Variants in TBCE observed in about 807,000 individuals in gnomAD.
The protein encoded by TBCE is tubulin folding cofactor E, also known as tubulin-specific chaperone E.
Under a neutral mutation model 77.0 loss-of-function variants are expected in TBCE, and 53 were observed. That is an observed-to-expected ratio of 0.69 (90% CI 0.55 to 0.87). The LOEUF is 0.87. Ranked by LOEUF, TBCE falls within the 40% of genes least tolerant of loss-of-function variation. The pLI, the probability that TBCE is intolerant of heterozygous loss-of-function variation, is 0.00. For missense variants in TBCE, 624 were observed against 622.4 expected, an observed-to-expected ratio of 1.00 and a Z score of -0.03; for synonymous variants, 235 against 241.3, an observed-to-expected ratio of 0.97 and a Z score of 0.24.
chr1:235,421,125 A>G (rs1271094283), intron 5 of TBCE, among the ~76,000 whole-genome samples: 1 of 152,218 alleles, frequency 6.6e-6, no homozygotes, highest in Non-Finnish European at 1.5e-5. Flanking sequence ...AGAAAATTTT[A>G]AGGATGGGCA....
chr1:235,371,038 CTTTTTTTTTTTTTTTTTTTTTTTT>C (rs71174417), intron 1 of TBCE, among the ~76,000 whole-genome samples: 2 of 23,310 alleles, frequency 8.6e-5, no homozygotes, highest in Non-Finnish European at 1.6e-4. Context: ...TCACGCCTGG[CTTTTTTTTTTTTTTTTTTTTTTTT>C]TTTTTTTTTT....
chr1:235,439,928 A>G (rs1681729010), intron 13 of TBCE, among the ~76,000 whole-genome samples: 1 of 152,020 alleles, frequency 6.6e-6, no homozygotes, highest in Admixed American at 6.6e-5. Context: ...CAGCTTCCAG[A>G]GTAGCTGGGA....
intron 6 of TBCE, chr1:235,429,415 A>G (rs1680958457): frequency 6.6e-6 from 1 of 152,176 alleles, no homozygotes; most frequent in Non-Finnish European, 1.5e-5. Context: ...TTAGATTTTC[A>G]TTGAACTGCA....
intron 7 of TBCE, among the ~76,000 whole-genome samples, chr1:235,431,194 A>G (rs1020408820): frequency 6.6e-5 from 10 of 152,168 alleles, no homozygotes; most frequent in Middle Eastern, 6.8e-3. Context: ...GTTCTCACAT[A>G]CTTTTCTTGT....
At chr1:235,442,245 A>G (rs1292661632) in intron 14 of TBCE, among the ~76,000 whole-genome samples, 1 of 152,058 alleles carries the variant, frequency 6.6e-6, no homozygotes, top group Non-Finnish European at 1.5e-5. Context: ...ATCTTGGCTC[A>G]CCGCAACCTC....
intron 2 of TBCE, among the ~76,000 whole-genome samples, chr1:235,380,786 T>C (rs1478328066): frequency 6.6e-6 from 1 of 152,170 alleles, no homozygotes; most frequent in African/African-American, 2.4e-5. Context: ...AAAATTTGAC[T>C]GTTTTCTGTG....
At position 235,435,767 on chromosome 1, in the gene TBCE, G is replaced by C; in HGVS notation, c.760G>C (p.Val254Leu). Residue 254 changes from valine (V) to leucine (L), a missense_variant, in exon 9 of 17, where the codon GTC (valine) becomes CTC (leucine). Physicochemically the swap from Val to Leu is conservative, Grantham distance 32. Transcript: ENST00000642610. Reference protein sequence around the residue: ...SERPTDVLQTVKLLDLSSNQL... With the variant: ...SERPTDVLQTLKLLDLSSNQL... ...CAGGCCAACAGATGTTCTCCAGACA[G>C]TCAAGTTATTAGATCTTTCCTCTAA... is the stretch of plus-strand genomic sequence containing the variant. 1 of 1,614,132 alleles carries C rather than the reference G, an allele frequency of 6.2e-7. No individual in the cohort carries two copies. Among genetic ancestry groups the C allele is most frequent in the Non-Finnish European group, 8.5e-7 (1 of 1,180,004 alleles).
chr1:235,388,496 C>T (rs908860342), intron 2 of TBCE, among the ~76,000 whole-genome samples: 1 of 152,068 alleles, frequency 6.6e-6, no homozygotes. Flanking sequence ...ACCATGTTGG[C>T]CAGGCTGGTC....
chr1:235,434,693 T>C (rs1681315311), intron 8 of TBCE, among the ~76,000 whole-genome samples: 1 of 151,958 alleles, frequency 6.6e-6, no homozygotes, highest in Non-Finnish European at 1.5e-5. Context: ...CCTGCCACCA[T>C]GCCCGGCTAA....
Position 235,435,778 on chromosome 1 carries a change from A to T in TBCE, c.771A>T (p.Leu257Phe). Residue 257 changes from leucine (L) to phenylalanine (F), a missense_variant, in exon 9 of 17, where the codon TTA becomes TTT. Coordinates refer to ENST00000642610, the MANE Select transcript of TBCE (RefSeq NM_003193.5). ...PTDVLQTVKL[L>F]DLSSNQLIDE... ...ATGTTCTCCAGACAGTCAAGTTATT[A>T]GATCTTTCCTCTAATCAATTAATTG... 1 of 1,614,232 alleles carries T rather than the reference A, an allele frequency of 6.2e-7. No individual in the cohort carries two copies. The highest frequency in any genetic ancestry group is 8.5e-7 in the Non-Finnish European group (1 of 1,180,040).
chr1:235,373,803 C>T (rs1172069029), intron 1 of TBCE, among the ~76,000 whole-genome samples: 25 of 145,614 alleles, frequency 1.7e-4, no homozygotes, highest in Admixed American at 1.0e-3. Context: ...CGCCCGCCAC[C>T]ACGCCTGGCT....
intron 3 of TBCE, among the ~76,000 whole-genome samples, chr1:235,412,975 G>A (rs1679898756): frequency 6.6e-6 from 1 of 152,006 alleles, no homozygotes; most frequent in East Asian, 2.0e-4. Context: ...GGCTAATTTT[G>A]TATTTTTAGT....
intron 14 of TBCE, 106 bp downstream of exon 14, chr1:235,441,988 GC>G: frequency 1.0e-6 from 1 of 977,934 alleles, no homozygotes; most frequent in Non-Finnish European, 1.5e-6. Context: ...CTAAGTAAAT[GC>G]CTTGAGTTTT....
rs1682876538 is a variant in TBCE, at chr1:235,451,214, G to T, written c.*2452G>T. On this transcript the variant is annotated 3_prime_UTR_variant, in exon 17 of 17. Coordinates refer to ENST00000642610, the MANE Select transcript of TBCE (RefSeq NM_003193.5). ...TGATAAAACAAAACACACTCAGCTT[G>T]TCTGTCTCAGTCTTGCCCCTCAGTG... 1 of 152,142 alleles carries T rather than the reference G, an allele frequency of 6.6e-6. No homozygotes were observed. The highest frequency in any genetic ancestry group is 6.6e-5 in the Admixed American group (1 of 15,258). 9.4% of individuals were successfully genotyped at this position (152,142 alleles called of 1,614,324 possible). A position where few individuals can be genotyped will look rare whatever the true frequency, so the allele number is the denominator to read the frequency against.
intron 3 of TBCE, among the ~76,000 whole-genome samples, chr1:235,411,564 A>G (rs1360713279): frequency 2.0e-5 from 3 of 152,178 alleles, no homozygotes; most frequent in African/African-American, 7.2e-5. Flanking sequence ...AGGGGAATCC[A>G]TAGAGTAAAG....
At position 235,380,129 on chromosome 1, in the gene TBCE, G is replaced by T. The variant is rs981054162; in HGVS notation, c.80G>T (p.Gly27Val). 1 of 1,611,250 alleles carries T rather than the reference G, an allele frequency of 6.2e-7. No homozygotes were observed. The highest frequency in any genetic ancestry group is 1.3e-5 in the African/African-American group (1 of 74,424). Reference sequence around the variant, plus strand: ...GAACATGCAACAGTACGTTTTGCTGGTGTTGTCCCTCCCGTGGCAGGTAAG... The same window carrying T: ...GAACATGCAACAGTACGTTTTGCTGTTGTTGTCCCTCCCGTGGCAGGTAAG... ...NGEHATVRFAGVVPPVAGPWL... is the reference protein window; with the variant it reads ...NGEHATVRFAVVVPPVAGPWL... The change falls in exon 2 of 17, where the codon GGT becomes GTT. Residue 27 changes from glycine to valine, a missense_variant. By Grantham distance (109) the Gly-to-Val change is moderately radical (BLOSUM62 -3). Transcript: ENST00000642610.
chr1:235,425,036 C>T (rs563423221), intron 5 of TBCE, among the ~76,000 whole-genome samples: 20 of 152,268 alleles, frequency 1.3e-4, no homozygotes, highest in African/African-American at 4.6e-4. Context: ...CCCCAAGGCT[C>T]AGACTTGGGA....
rs1177982667 is a variant in TBCE at position 235,448,230 on chromosome 1, A to AAAAG, written c.1400-116_1400-115insGAAA. ...TAAGTAAGTCAGTCTCAAAAAAAAA[A>AAAAG]AAAAAAAAAAGACAGATACAGCTAT... On this transcript the variant is annotated intron_variant, in intron 15 of 16. Transcript: ENST00000642610. The AAAAG allele has an allele frequency of 1.8e-5, 14 of 784,322 alleles. 1 individual carries two copies. In the African/African-American group the frequency reaches 2.5e-4, roughly 14 times the overall value. The allele number at this position is 784,322 out of a possible 1,614,324, so 48.6% of individuals were successfully genotyped here. A position where few individuals can be genotyped will look rare whatever the true frequency, so the allele number is the denominator to read the frequency against.
rs1179023314 is a variant in TBCE at position 235,374,910 on chromosome 1, C to CT, written c.-31-5100dup. On this transcript the variant is annotated intron_variant, in intron 1 of 16. Coordinates refer to ENST00000642610, the MANE Select transcript of TBCE (RefSeq NM_003193.5). ...GTGAAAATGATAGAGATGTAGATTT[C>CT]TTTTTTTTTCTTTTTTTTTTTTTTT... is the stretch of plus-strand genomic sequence containing the variant. Among the ~76,000 whole-genome samples, 44 of 128,786 alleles carry CT rather than the reference C, an allele frequency of 3.4e-4. 1 individual carries two copies. Among genetic ancestry groups the CT allele is most frequent in the Middle Eastern group, 4.2e-3 (1 of 240 alleles). The allele number at this position is 128,786 out of a possible 152,430, so 84.5% of individuals were successfully genotyped here.
Sources: allele counts gnomAD v4.1 joint callset (sites outside exome capture counted in the v4.1 genomes callset), GRCh38; gene constraint gnomAD v4.1.1; transcripts MANE v1.5; gene names NCBI Gene and HGNC (gene_info 2026-07-23, HGNC 2026-07-21).